CDR2L: variants seen among roughly 807,000 people sequenced by gnomAD.
CDR2L encodes cerebellar degeneration related protein 2 like.
A neutral mutation model predicts 36.1 loss-of-function variants in CDR2L; 19 were observed. That is an observed-to-expected ratio of 0.53 (90% confidence interval 0.37 to 0.77). CDR2L has a LOEUF of 0.77. CDR2L is among the 30% of genes least tolerant of loss of function. The pLI is 0.00. For missense variants in CDR2L, 575 were observed against 627.2 expected, an observed-to-expected ratio of 0.92 and a Z score of 0.89; for synonymous variants, 285 against 280.4, an observed-to-expected ratio of 1.02 and a Z score of -0.16.
intron 1 of CDR2L, among the ~76,000 whole-genome samples, chr17:74,988,996 G>GTAGGGGAGGAGAGGATAGAACTCCTC (rs367904053): frequency 1.3e-3 from 196 of 152,226 alleles, no homozygotes; most frequent in African/African-American, 4.4e-3. Flanking sequence ...CCCCTAAGAT[G>GTAGGGGAGGAGAGGATAGAACTCCTC]CCTCCTTCTT....
chr17:74,990,518 G>A (rs906243803), intron 1 of CDR2L, among the ~76,000 whole-genome samples: 2 of 152,270 alleles, frequency 1.3e-5, no homozygotes, highest in Non-Finnish European at 2.9e-5. Flanking sequence ...GAGGGGTTCT[G>A]CAGCTGTAGG....
intron 2 of CDR2L, among the ~76,000 whole-genome samples, chr17:75,000,598 T>TA (rs1238086571): frequency 4.6e-5 from 5 of 108,426 alleles, no homozygotes; most frequent in African/African-American, 1.8e-4. Flanking sequence ...ACGCCGGGCA[T>TA]AAAAAAGATT....
At chr17:74,994,160 A>G (rs1391359788) in intron 1 of CDR2L, among the ~76,000 whole-genome samples, 1 of 152,192 alleles carries the variant, frequency 6.6e-6, no homozygotes, top group Non-Finnish European at 1.5e-5. Context: ...TGTCCAATGC[A>G]TAGCAAGGGC....
At chr17:75,001,259 A>C in intron 2 of CDR2L, 82 bp from the exon 3 acceptor site, 1 of 1,366,510 alleles carries the variant, frequency 7.3e-7, no homozygotes, top group African/African-American at 1.6e-5. Context: ...AAAAAAGACA[A>C]AAAAAGAAGT....
rs1376029340 is a variant in CDR2L at position 74,989,658 on chromosome 17, T to G, written c.79+1536T>G. 6.6e-6 allele frequency among the ~76,000 whole-genome samples: 1 copy of G among 151,872 alleles called. No homozygotes were observed. Among genetic ancestry groups the G allele is most frequent in the East Asian group, 1.9e-4 (1 of 5,190 alleles). Reference sequence around the variant, plus strand: ...TTTTTTCTTTTTTCTTTTTATTTATTTATTTATTTATTTTCAGACAGAGTC... The same window carrying G: ...TTTTTTCTTTTTTCTTTTTATTTATGTATTTATTTATTTTCAGACAGAGTC... On this transcript the variant is annotated intron_variant, in intron 1 of 4. Coordinates refer to ENST00000337231, the MANE Select transcript of CDR2L (RefSeq NM_014603.3). The surrounding 1 kb of genome is among the most constrained non-coding windows in gnomAD (Gnocchi z 4.2).
chr17:74,999,325 C>CAAAA lies in CDR2L; in HGVS notation c.80-177_80-174dup, dbSNP rs1555635972. Among the ~76,000 whole-genome samples the CAAAA allele has an allele frequency of 7.1e-4, 108 of 151,094 alleles. 1 individual carries two copies. The East Asian group carries it at 9.7e-3, about 14-fold the overall frequency. ...ACACACACACACACACAGACACACA[C>CAAAA]AAAAAGAACATTCCAGGCAGAAATA... is the stretch of plus-strand genomic sequence containing the variant. On this transcript the variant is annotated intron_variant, in intron 1 of 4. Transcript: ENST00000337231.
At position 75,000,489 on chromosome 17, in the gene CDR2L, G is replaced by A. The variant is rs528650522; in HGVS notation, c.193-852G>A. ...TTTTTTTTGTATTTTTAGTAGAGAC[G>A]AGGTTTCACTGTGTTAGCCAGGATG... On this transcript the variant is annotated intron_variant, in intron 2 of 4. Coordinates refer to ENST00000337231, the MANE Select transcript of CDR2L (RefSeq NM_014603.3). 1.4e-4 allele frequency among the ~76,000 whole-genome samples: 21 copies of A among 149,562 alleles called. 1 individual carries two copies. In the East Asian group the frequency reaches 3.7e-3, roughly 26 times the overall value.
rs745575953 is a variant in CDR2L, at chr17:75,004,012, A to C, written c.1336A>C (p.Arg446=). The C allele has an allele frequency of 2.5e-5, 40 of 1,610,740 alleles. No individual in the cohort carries two copies. The highest frequency in any genetic ancestry group is 3.2e-5 in the Non-Finnish European group (38 of 1,178,686). ...YKALFKEIFS[R]IQKTKADINA... is the part of the protein sequence containing the mutation. ...GGCGCTCTTCAAAGAGATCTTCTCC[A>C]GGATCCAGAAGACCAAGGCTGACAT... The change falls in exon 5 of 5, where the codon AGG becomes CGG. Residue 446 remains arginine, a synonymous_variant. Coordinates refer to ENST00000337231, the MANE Select transcript of CDR2L (RefSeq NM_014603.3).
intron 1 of CDR2L, among the ~76,000 whole-genome samples, chr17:74,993,945 C>T (rs2039811096): frequency 6.6e-6 from 1 of 152,212 alleles, no homozygotes; most frequent in Non-Finnish European, 1.5e-5. Context: ...TGTCCAGGCC[C>T]AGTGGCTGGT....
At chr17:74,997,084 C>CTTTCTT (rs1406781224) in intron 1 of CDR2L, among the ~76,000 whole-genome samples, 3 of 73,340 alleles carry the variant, frequency 4.1e-5, no homozygotes, top group Admixed American at 1.3e-4. Flanking sequence ...TTCTTTCTTT[C>CTTTCTT]TTTTTTTTTT....
intron 2 of CDR2L, among the ~76,000 whole-genome samples, chr17:75,000,742 A>G (rs1322848966): frequency 2.0e-5 from 3 of 150,862 alleles, no homozygotes; most frequent in South Asian, 2.1e-4. Context: ...GTGAAACCCC[A>G]TCTCTACTAA....
intron 1 of CDR2L, among the ~76,000 whole-genome samples, chr17:74,991,544 C>T (rs1189738298): frequency 2.6e-5 from 4 of 151,826 alleles, no homozygotes; most frequent in Non-Finnish European, 5.9e-5. Context: ...AGTGAAACCC[C>T]GTCTCTACTA....
Position 75,004,214 on chromosome 17 carries a change from A to T in CDR2L, c.*140A>T. ...GCCTCCTGATCCGGAAGCACGCAGCATGTTCCCTGCTGAGCGGAGGCAGCC... is the reference window on the plus strand; with the variant it reads ...GCCTCCTGATCCGGAAGCACGCAGCTTGTTCCCTGCTGAGCGGAGGCAGCC... On this transcript the variant is annotated 3_prime_UTR_variant, in exon 5 of 5. Transcript: ENST00000337231. The T allele has an allele frequency of 1.4e-6, 1 of 729,250 alleles. No homozygotes were observed. Among genetic ancestry groups the T allele is most frequent in the East Asian group, 2.7e-5 (1 of 36,592 alleles). 45.2% of individuals were successfully genotyped at this position (729,250 alleles called of 1,614,324 possible).
rs368672422 is a variant in CDR2L, at chr17:74,999,325, C to CACACACACACAA, written c.80-178_80-177insCACACACACAAA. Among the ~76,000 whole-genome samples, 103 of 151,088 alleles carry CACACACACACAA rather than the reference C, an allele frequency of 6.8e-4. No homozygotes were observed. In the East Asian group the frequency reaches 7.9e-3, roughly 12 times the overall value. ...ACACACACACACACACAGACACACA[C>CACACACACACAA]AAAAAGAACATTCCAGGCAGAAATA... On this transcript the variant is annotated intron_variant, in intron 1 of 4. Coordinates refer to ENST00000337231, the MANE Select transcript of CDR2L (RefSeq NM_014603.3).
rs1030053261 is a variant in CDR2L at position 75,003,862 on chromosome 17, A to G, written c.1186A>G (p.Ser396Gly). The G allele has an allele frequency of 1.3e-6, 2 of 1,592,368 alleles. No individual in the cohort carries two copies. The highest frequency in any genetic ancestry group is 3.6e-5 in the Admixed American group (2 of 56,294). Residue 396 changes from serine (S) to glycine (G), a missense_variant, in exon 5 of 5, where the codon AGC becomes GGC. Ser to Gly is a moderately conservative substitution (Grantham distance 56). Transcript: ENST00000337231. ...GACCTCGCGCCCCATCTCCCGGGAC[A>G]GCTCGTGGAGGGACCTGCGCGGGGG... ...VQTSRPISRD[S>G]SWRDLRGGEE...
intron 1 of CDR2L, among the ~76,000 whole-genome samples, chr17:74,999,034 T>C (rs1001011822): frequency 6.6e-6 from 1 of 152,060 alleles, no homozygotes; most frequent in African/African-American, 2.4e-5. Flanking sequence ...GTAGATGGAA[T>C]CCCCACTGGT....
chr17:74,994,176 C>T (rs1306444879), intron 1 of CDR2L, among the ~76,000 whole-genome samples: 1 of 152,138 alleles, frequency 6.6e-6, no homozygotes, highest in Non-Finnish European at 1.5e-5. Context: ...AGGGCTCAGC[C>T]GAAACAACCG....
Position 75,005,506 on chromosome 17 carries a change from C to A in CDR2L, c.*1432C>A. Reference sequence around the variant, plus strand: ...AAGCATCCCTGACCTCCTGGAGACACCACCTGCTTTCCGGGCGGCACTGTG... The same window carrying A: ...AAGCATCCCTGACCTCCTGGAGACAACACCTGCTTTCCGGGCGGCACTGTG... On this transcript the variant is annotated 3_prime_UTR_variant, in exon 5 of 5. Transcript: ENST00000337231. The surrounding 1 kb of genome is among the most constrained non-coding windows in gnomAD (Gnocchi z 4.2). 1 of 152,806 alleles carries A rather than the reference C, an allele frequency of 6.5e-6. No individual in the cohort carries two copies. The highest frequency in any genetic ancestry group is 2.1e-4 in the South Asian group (1 of 4,832). The allele number at this position is 152,806 out of a possible 1,614,324, so 9.5% of individuals were successfully genotyped here.
rs775558236 is a variant in CDR2L, at chr17:75,003,804, G to A, written c.1128G>A (p.Gln376=). ...AGGAGCTGCTGAGCAAGTGCCGGCA[G>A]CACGGGGCCGGAGTGCGGCACGCCG... ...KYEELLSKCR[Q]HGAGVRHAGV... Residue 376 remains glutamine, a synonymous_variant, in exon 5 of 5, where the codon CAG becomes CAA. Coordinates refer to ENST00000337231, the MANE Select transcript of CDR2L (RefSeq NM_014603.3). 5 of 1,540,018 alleles carry A rather than the reference G, an allele frequency of 3.2e-6. No individual in the cohort carries two copies. The African/African-American group carries it at 6.9e-5, about 21-fold the overall frequency.
Sources: allele counts gnomAD v4.1 joint callset (sites outside exome capture counted in the v4.1 genomes callset), GRCh38; gene constraint gnomAD v4.1.1; non-coding constraint Gnocchi (gnomAD v3.1); transcripts MANE v1.5; gene names NCBI Gene and HGNC (gene_info 2026-07-23, HGNC 2026-07-21).